The following RIMS2 variants were observed in gnomAD, a reference collection of about 807,000 sequenced individuals.
RIMS2 encodes regulating synaptic membrane exocytosis protein 2.
Under a neutral mutation model 174.4 loss-of-function variants are expected in RIMS2, and 59 were observed. The ratio of observed to expected loss-of-function variants is 0.34; its 90% CI spans 0.27 to 0.42. The LOEUF (loss-of-function observed/expected upper bound fraction) is 0.42, where lower values mean the gene tolerates loss of function less well. Among genes scored for constraint, RIMS2 ranks in the 10% least tolerant of loss-of-function variants. The pLI is 1.00. For missense variants in RIMS2, 1,620 were observed against 1,666.3 expected (o/e 0.97, Z 0.48); for synonymous variants, 606 against 572.5 (o/e 1.06, Z -0.84).
intron 3 of RIMS2, among the ~76,000 whole-genome samples, chr8:103,769,459 G>A (rs2098222781): frequency 6.6e-6 from 1 of 152,088 alleles, no homozygotes; most frequent in Non-Finnish European, 1.5e-5. Flanking sequence ...AAGTAGATGG[G>A]ATTACAGGCA....
At chr8:103,599,024 C>G (rs566096673) in intron 1 of RIMS2, among the ~76,000 whole-genome samples, 1 of 151,960 alleles carries the variant, frequency 6.6e-6, no homozygotes, top group Non-Finnish European at 1.5e-5. Context: ...TGAATATTTT[C>G]TCCTCAATTT....
chr8:103,507,511 G>A (rs1824252331), intron 1 of RIMS2, among the ~76,000 whole-genome samples: 1 of 151,892 alleles, frequency 6.6e-6, no homozygotes, highest in African/African-American at 2.4e-5. Context: ...TGTTCATCTA[G>A]GTGGTACAAA....
chr8:104,064,334 T>C (rs1186505412), intron 19 of RIMS2, among the ~76,000 whole-genome samples: 1 of 152,066 alleles, frequency 6.6e-6, no homozygotes, highest in East Asian at 1.9e-4. Flanking sequence ...GTGGCTGAAA[T>C]GGGCCAGAAA....
intron 19 of RIMS2, among the ~76,000 whole-genome samples, chr8:104,228,378 GAC>G (rs1491467424): frequency 6.6e-6 from 1 of 152,076 alleles, no homozygotes; most frequent in Non-Finnish European, 1.5e-5. Context: ...AGTATAAAGA[GAC>G]ATATCTTATT....
chr8:104,022,055 G>T (rs1189367402), intron 19 of RIMS2, among the ~76,000 whole-genome samples: 2 of 152,116 alleles, frequency 1.3e-5, no homozygotes, highest in Admixed American at 6.5e-5. Flanking sequence ...AAATGCAAAA[G>T]TCTGAAAAAT....
At chr8:104,010,165 C>T (rs1399980419) in intron 17 of RIMS2, among the ~76,000 whole-genome samples, 5 of 151,986 alleles carry the variant, frequency 3.3e-5, no homozygotes, top group Non-Finnish European at 7.4e-5. Context: ...AATTAAGAAA[C>T]CTAAAGTACA....
At chr8:104,167,219 TA>T (rs1294819050) in intron 19 of RIMS2, among the ~76,000 whole-genome samples, 1 of 152,228 alleles carries the variant, frequency 6.6e-6, no homozygotes, top group Non-Finnish European at 1.5e-5. Context: ...GTGATTGTAG[TA>T]ATTTACATTC....
chr8:104,245,869 A>C (rs1459118740), intron 20 of RIMS2, among the ~76,000 whole-genome samples: 1 of 152,222 alleles, frequency 6.6e-6, no homozygotes, highest in Non-Finnish European at 1.5e-5. Context: ...TAAATACAAG[A>C]GATATAACTG....
chr8:103,733,097 C>T (rs920190172), intron 2 of RIMS2, among the ~76,000 whole-genome samples: 6 of 152,094 alleles, frequency 3.9e-5, no homozygotes, highest in African/African-American at 1.4e-4. Flanking sequence ...TATTGCCTGG[C>T]TTCCACTGGT....
intron 19 of RIMS2, among the ~76,000 whole-genome samples, chr8:104,213,086 C>T (rs375104400): frequency 3.9e-5 from 6 of 152,080 alleles, no homozygotes; most frequent in Admixed American, 2.0e-4. Flanking sequence ...CTTTGGGAGA[C>T]GGATCACCTG....
At chr8:103,698,008 C>T (rs1007097399) in intron 2 of RIMS2, among the ~76,000 whole-genome samples, 1 of 152,108 alleles carries the variant, frequency 6.6e-6, no homozygotes, top group Non-Finnish European at 1.5e-5. Flanking sequence ...ATTCTTTAGA[C>T]TTTGCATTTA....
chr8:103,661,334 A>T (rs931261377), intron 1 of RIMS2, among the ~76,000 whole-genome samples: 2 of 152,186 alleles, frequency 1.3e-5, no homozygotes, highest in African/African-American at 4.8e-5. Context: ...GTGCTGCTGT[A>T]TACATTCTGA....
At chr8:103,950,844 A>G (rs1277972123) in intron 14 of RIMS2, among the ~76,000 whole-genome samples, 2 of 152,244 alleles carry the variant, frequency 1.3e-5, no homozygotes, top group Non-Finnish European at 2.9e-5. Flanking sequence ...GCTTATTTGC[A>G]TACATGTTCA....
intron 1 of RIMS2, among the ~76,000 whole-genome samples, chr8:103,578,486 G>A (rs989961037): frequency 5.3e-5 from 8 of 152,062 alleles, no homozygotes; most frequent in Non-Finnish European, 1.2e-4. Flanking sequence ...AGCCAAGATA[G>A]TAACACTGCA....
intron 2 of RIMS2, among the ~76,000 whole-genome samples, chr8:103,699,611 T>G (rs1356841584): frequency 6.6e-6 from 1 of 152,132 alleles, no homozygotes; most frequent in Non-Finnish European, 1.5e-5. Context: ...TTTTCTTGTC[T>G]TTTCTTTTTC....
At chr8:103,679,630 G>T (rs1433968260) in intron 1 of RIMS2, among the ~76,000 whole-genome samples, 1 of 151,946 alleles carries the variant, frequency 6.6e-6, no homozygotes, top group Non-Finnish European at 1.5e-5. Flanking sequence ...GAACTCAGAA[G>T]TGAAAAATAT....
At chr8:104,211,766 G>A (rs2099106441) in intron 19 of RIMS2, among the ~76,000 whole-genome samples, 2 of 152,040 alleles carry the variant, frequency 1.3e-5, no homozygotes, top group Admixed American at 6.6e-5. Flanking sequence ...TGCCCAACTC[G>A]GCCTCCCAAA....
intron 3 of RIMS2, among the ~76,000 whole-genome samples, chr8:103,827,702 G>T (rs568476892): frequency 6.6e-6 from 1 of 152,092 alleles, no homozygotes; most frequent in Admixed American, 6.5e-5. Context: ...GGGCGTGGCC[G>T]TGTGTGTCTG....
At chr8:103,556,979 TTA>T (rs1372560052) in intron 1 of RIMS2, among the ~76,000 whole-genome samples, 3 of 152,030 alleles carry the variant, frequency 2.0e-5, no homozygotes, top group African/African-American at 7.2e-5. Context: ...AACAACTGAT[TTA>T]GGAAAGATAA....
Sources: gnomAD v4.1 joint callset for allele counts (sites outside exome capture counted in the v4.1 genomes callset) on GRCh38, gnomAD v4.1.1 for gene constraint, MANE v1.5 for transcripts, NCBI Gene and HGNC (gene_info 2026-07-23, HGNC 2026-07-21) for gene names.